Variants in PEPD observed in about 807,000 individuals in gnomAD.
PEPD encodes the protein peptidase D.
A neutral mutation model predicts 60.7 loss-of-function variants in PEPD; 53 were observed. The observed-to-expected ratio is 0.87, with a 90% CI of 0.70 to 1.10. The LOEUF (loss-of-function observed/expected upper bound fraction) is 1.10, where lower values mean the gene tolerates loss of function less well. Ranked by LOEUF, PEPD falls within the 50% of genes least tolerant of loss-of-function variation. The probability of loss-of-function intolerance (pLI) is 0.00; values close to 1 mark genes in which losing one functional copy is unlikely to be tolerated. For missense variants in PEPD, 711 were observed against 711.9 expected, an observed-to-expected ratio of 1.00 and a Z score of 0.01; for synonymous variants, 267 against 284.1, an observed-to-expected ratio of 0.94 and a Z score of 0.60.
intron 6 of PEPD, among the ~76,000 whole-genome samples, chr19:33,480,813 CGTGTGTGTGTGTGTGT>C (rs67751032): frequency 1.6e-5 from 2 of 127,748 alleles, no homozygotes; most frequent in East Asian, 4.1e-4. Flanking sequence ...ATATATATAG[CGTGTGTGTGTGTGTGT>C]GTGTGTGTGT....
At chr19:33,497,740 C>T (rs762992680) in intron 4 of PEPD, among the ~76,000 whole-genome samples, 3 of 152,176 alleles carry the variant, frequency 2.0e-5, no homozygotes, top group African/African-American at 7.2e-5. Flanking sequence ...ATGCAACAGG[C>T]CCTGGGTACC....
chr19:33,493,511 A>G (rs370407035), intron 4 of PEPD, 174 bp from the exon 5 acceptor site: 13 of 692,142 alleles, frequency 1.9e-5, no homozygotes, highest in African/African-American at 1.4e-4. Context: ...CCCTGGTTGA[A>G]GGACTTCTGA....
chr19:33,415,807 T>C (rs949630927), intron 9 of PEPD, among the ~76,000 whole-genome samples: 1 of 151,760 alleles, frequency 6.6e-6, no homozygotes, highest in Non-Finnish European at 1.5e-5. Context: ...TAGGAAGGAG[T>C]TGAAAAGAGG....
At chr19:33,477,959 G>C (rs116191310) in intron 7 of PEPD, 87 bp downstream of exon 7, 3 of 885,330 alleles carry the variant, frequency 3.4e-6, no homozygotes, top group Admixed American at 1.9e-5. Context: ...GGGGCTCTCT[G>C]AGACGGTGTG....
chr19:33,461,818 C>A (rs8108999), intron 9 of PEPD, among the ~76,000 whole-genome samples: 1 of 152,002 alleles, frequency 6.6e-6, no homozygotes, highest in East Asian at 1.9e-4. Context: ...GATAGCTCTG[C>A]GAGCCCTTCT....
chr19:33,511,134 A>G lies in PEPD; in HGVS notation c.223T>C (p.Phe75Leu), dbSNP rs1970918682. The stretch of plus-strand genomic sequence containing the variant: ...TAGCAGCCTGGCTCAGTGACACCGA[A>G]CGCCCAGTGAAAGAAGGACTCCTGT... The part of the protein sequence containing the change: ...FRQESFFHWA[F>L]GVTEPGCYGV... The change falls in exon 3 of 15, where the codon TTC becomes CTC. Residue 75 changes from phenylalanine (F) to leucine (L), a missense_variant. Transcript: ENST00000244137. The G allele has an allele frequency of 6.2e-7, 1 of 1,613,942 alleles. No individual in the cohort carries two copies. The highest frequency in any genetic ancestry group is 1.7e-5 in the Admixed American group (1 of 60,006).
intron 9 of PEPD, among the ~76,000 whole-genome samples, chr19:33,417,413 G>C (rs887930909): frequency 6.6e-6 from 1 of 152,172 alleles, no homozygotes. Flanking sequence ...GGGAGGGTGT[G>C]TTCCGCACCC....
At chr19:33,434,762 T>A (rs1969342419) in intron 9 of PEPD, among the ~76,000 whole-genome samples, 2 of 152,068 alleles carry the variant, frequency 1.3e-5, no homozygotes, top group African/African-American at 4.8e-5. Context: ...CTTTGGGTGG[T>A]CACTGGGCCT....
chr19:33,486,056 G>A (rs1017050856), intron 6 of PEPD, among the ~76,000 whole-genome samples: 2 of 151,874 alleles, frequency 1.3e-5, no homozygotes, highest in East Asian at 1.9e-4. Context: ...TCTCCTTCAT[G>A]GTCAGTCTCC....
chr19:33,436,428 T>G (rs1316870616), intron 9 of PEPD, among the ~76,000 whole-genome samples: 1 of 152,144 alleles, frequency 6.6e-6, no homozygotes, highest in East Asian at 1.9e-4. Context: ...CTCATCATGA[T>G]GGGCCTGGTC....
At chr19:33,411,873 CGTGG>C in intron 10 of PEPD, 124 bp from the exon 11 acceptor site, 1 of 716,044 alleles carries the variant, frequency 1.4e-6, no homozygotes, top group Non-Finnish European at 2.5e-6. Flanking sequence ...CAGGCCCAGG[CGTGG>C]CTGGACCAGG....
At chr19:33,508,638 T>G (rs1481537020) in intron 3 of PEPD, among the ~76,000 whole-genome samples, 1 of 152,142 alleles carries the variant, frequency 6.6e-6, no homozygotes, top group African/African-American at 2.4e-5. Context: ...GAGTCTGCGC[T>G]TCCTCATGAT....
In PEPD at chr19:33,508,235, G is replaced by C. The variant is rs542442606; in HGVS notation, c.329+2793C>G. Reference sequence around the variant, plus strand: ...AGGGCCATGAGGAGGCGAGAGGGCAGCCAGGTCAAAACTGCAGGTGTCACC... The same window carrying C: ...AGGGCCATGAGGAGGCGAGAGGGCACCCAGGTCAAAACTGCAGGTGTCACC... On this transcript the variant is annotated intron_variant, in intron 3 of 14. Coordinates refer to ENST00000244137, the MANE Select transcript of PEPD (RefSeq NM_000285.4). 6.6e-5 allele frequency among the ~76,000 whole-genome samples: 10 copies of C among 152,292 alleles called. No homozygotes were observed. The South Asian group carries it at 2.1e-3, about 32-fold the overall frequency.
At position 33,450,312 on chromosome 19, in the gene PEPD, G is replaced by A. The variant is rs536049676; in HGVS notation, c.671+12683C>T. 1.5e-4 allele frequency among the ~76,000 whole-genome samples: 23 copies of A among 152,356 alleles called. No homozygotes were observed. In the South Asian group the frequency reaches 3.5e-3, roughly 23 times the overall value. On this transcript the variant is annotated intron_variant, in intron 9 of 14. Coordinates refer to ENST00000244137, the MANE Select transcript of PEPD (RefSeq NM_000285.4). ...AGCTGGCAGGATTCTAAGCCCTGAA[G>A]TGCAGCCCCTGCCCAGAAAGGCAGT...
At chr19:33,500,613 CT>C (rs771511501) in intron 4 of PEPD, among the ~76,000 whole-genome samples, 11 of 152,332 alleles carry the variant, frequency 7.2e-5, no homozygotes, top group Non-Finnish European at 1.5e-4. Flanking sequence ...CTTGTGGTGA[CT>C]TAGACCGTGT....
At chr19:33,511,364 C>A (rs1466821090) in intron 2 of PEPD, 1 of 568,940 alleles carries the variant, frequency 1.8e-6, no homozygotes, top group Middle Eastern at 4.6e-4. Context: ...GCTCCTCTAC[C>A]CTGCTGGGAG....
At chr19:33,431,046 G>A (rs955569522) in intron 9 of PEPD, among the ~76,000 whole-genome samples, 5 of 152,104 alleles carry the variant, frequency 3.3e-5, no homozygotes, top group Admixed American at 6.5e-5. Flanking sequence ...CCAGGAGGTC[G>A]AGGCAGTGAG....
At chr19:33,399,626 T>C (rs1286876664) in intron 12 of PEPD, among the ~76,000 whole-genome samples, 1 of 150,310 alleles carries the variant, frequency 6.7e-6, no homozygotes, top group Non-Finnish European at 1.5e-5. Flanking sequence ...CGACGGTGGC[T>C]GAGGGCCCCT....
rs575752352 is a variant in PEPD at position 33,435,020 on chromosome 19, G to A, written c.672-21377C>T. On this transcript the variant is annotated intron_variant, in intron 9 of 14. Coordinates refer to ENST00000244137, the MANE Select transcript of PEPD (RefSeq NM_000285.4). ...GCCCAGGGACTCGGGAAAGATCAAAGTGTGAGCCGGAATGCGATGCCAGAG... is the reference window on the plus strand; with the variant it reads ...GCCCAGGGACTCGGGAAAGATCAAAATGTGAGCCGGAATGCGATGCCAGAG... Among the ~76,000 whole-genome samples the A allele has an allele frequency of 2.0e-5, 3 of 152,196 alleles. No homozygotes were observed. The South Asian group carries it at 6.2e-4, about 32-fold the overall frequency.
Sources: gnomAD v4.1 joint callset for allele counts (sites outside exome capture counted in the v4.1 genomes callset) on GRCh38, gnomAD v4.1.1 for gene constraint, MANE v1.5 for transcripts, NCBI Gene and HGNC (gene_info 2026-07-23, HGNC 2026-07-21) for gene names.